DCLK1: variants seen among roughly 807,000 people sequenced by gnomAD.
DCLK1 encodes the protein serine/threonine-protein kinase DCLK1.
In DCLK1, 16 loss-of-function variants were observed where a neutral mutation model predicts 86.2. That is an observed-to-expected ratio of 0.19 (90% CI 0.13 to 0.28). The LOEUF is 0.28. Among genes scored for constraint, DCLK1 ranks in the 10% least tolerant of loss-of-function variants. The pLI is 1.00. For synonymous variants in DCLK1, 369 were observed against 370.5 expected (o/e 1.00, Z 0.05); for missense variants, 590 against 940.2 (o/e 0.63, Z 4.87).
At chr13:35,814,955 T>C (rs1363831116) in intron 11 of DCLK1, among the ~76,000 whole-genome samples, 1 of 152,218 alleles carries the variant, frequency 6.6e-6, no homozygotes. Flanking sequence ...GTTTATTATA[T>C]GGCTATAAAG....
At chr13:35,986,400 T>C (rs192033764) in intron 3 of DCLK1, among the ~76,000 whole-genome samples, 69 of 148,534 alleles carry the variant, frequency 4.6e-4, no homozygotes, top group South Asian at 1.3e-3. Context: ...GGATCTGGTC[T>C]CAAACCCACC....
chr13:35,911,496 G>A (rs561870736), intron 4 of DCLK1, among the ~76,000 whole-genome samples: 104 of 152,162 alleles, frequency 6.8e-4, no homozygotes, highest in African/African-American at 1.9e-3. Flanking sequence ...GTTTCCTTTA[G>A]TGCTGGAGCT....
intron 8 of DCLK1, among the ~76,000 whole-genome samples, chr13:35,833,488 A>G (rs888614919): frequency 2.6e-5 from 4 of 152,150 alleles, no homozygotes; most frequent in Admixed American, 1.3e-4. Flanking sequence ...TTCCTTTAGT[A>G]TGTCCCAGGT....
At chr13:35,824,540 G>A (rs560533733) in intron 10 of DCLK1, among the ~76,000 whole-genome samples, 1 of 152,034 alleles carries the variant, frequency 6.6e-6, no homozygotes, top group Admixed American at 6.6e-5. Context: ...TCTTGGACAC[G>A]TTTTTCCTTC....
chr13:36,131,632 T>G (rs1886365245), upstream of DCLK1, among the ~76,000 whole-genome samples: 1 of 152,018 alleles, frequency 6.6e-6, no homozygotes, highest in African/African-American at 2.4e-5. Flanking sequence ...CTTTGGGAGA[T>G]GGGGGCAGAT....
chr13:36,061,534 T>C (rs1247737118), intron 3 of DCLK1, among the ~76,000 whole-genome samples: 1 of 152,202 alleles, frequency 6.6e-6, no homozygotes, highest in Non-Finnish European at 1.5e-5. Flanking sequence ...TGGATTCTTT[T>C]GTTTTAGTTA....
At chr13:35,825,199 T>TG (rs2087490889) in intron 10 of DCLK1, among the ~76,000 whole-genome samples, 3 of 152,140 alleles carry the variant, frequency 2.0e-5, no homozygotes, top group African/African-American at 7.2e-5. Flanking sequence ...CCCTGAGGGT[T>TG]TGAGAAGCAT....
intron 4 of DCLK1, among the ~76,000 whole-genome samples, chr13:35,933,302 G>A (rs1876561461): frequency 6.6e-6 from 1 of 152,178 alleles, no homozygotes; most frequent in African/African-American, 2.4e-5. Context: ...CATGGTGCAA[G>A]CTGTCGGCAG....
chr13:36,000,409 C>T (rs147093880), intron 3 of DCLK1, among the ~76,000 whole-genome samples: 3 of 152,196 alleles, frequency 2.0e-5, no homozygotes, highest in African/African-American at 7.2e-5. Flanking sequence ...GGTCTGGCCA[C>T]ATCAGCAGCT....
Position 35,967,362 on chromosome 13 carries a change from G to A in DCLK1, c.724-19905C>T, listed in dbSNP as rs1354913585. ...CTCATTGAGAACAGGCCATGATGAC[G>A]ATGGCGGTTTTGTCAAATAGAAAAG... On this transcript the variant is annotated intron_variant, in intron 3 of 16. Transcript: ENST00000360631. Among the ~76,000 whole-genome samples, 5 of 152,320 alleles carry A rather than the reference G, an allele frequency of 3.3e-5. No individual in the cohort carries two copies. In the South Asian group the frequency reaches 6.2e-4, roughly 19 times the overall value.
intron 5 of DCLK1, chr13:35,868,969 T>A (rs1185326971): frequency 1.4e-5 from 5 of 369,692 alleles, no homozygotes; most frequent in Non-Finnish European, 2.7e-5. Context: ...TTTTGTATTT[T>A]TAGTAGAGAT....
chr13:36,037,872 A>C (rs1369562225), intron 3 of DCLK1, among the ~76,000 whole-genome samples: 1 of 152,184 alleles, frequency 6.6e-6, no homozygotes, highest in African/African-American at 2.4e-5. Context: ...AAAATTTAAA[A>C]AATAGAAAGA....
chr13:35,992,819 T>A (rs1286759792), intron 3 of DCLK1, among the ~76,000 whole-genome samples: 3 of 152,218 alleles, frequency 2.0e-5, no homozygotes, highest in Non-Finnish European at 4.4e-5. Context: ...CTGAAAATCC[T>A]GATCCTTTTT....
Position 35,819,276 on chromosome 13 carries a change from C to G in DCLK1, c.1554+3453G>C, listed in dbSNP as rs539527759. ...ACCTAAAATGTGGCTGAAAACATCC[C>G]TGTAAGTCAAATCATATTTTCTCAT... On this transcript the variant is annotated intron_variant, in intron 11 of 16. Coordinates refer to ENST00000360631, the MANE Select transcript of DCLK1 (RefSeq NM_001330071.2). 7.2e-5 allele frequency among the ~76,000 whole-genome samples: 11 copies of G among 152,242 alleles called. No individual in the cohort carries two copies. The South Asian group carries it at 2.3e-3, about 32-fold the overall frequency.
Position 35,810,905 on chromosome 13 carries a change from C to T in DCLK1, c.1618G>A (p.Val540Ile), listed in dbSNP as rs771972541. The T allele has an allele frequency of 1.9e-6, 3 of 1,614,070 alleles. No homozygotes were observed. Among genetic ancestry groups the T allele is most frequent in the Admixed American group, 1.7e-5 (1 of 60,020 alleles). ...KLGDFGLATI[V>I]DGPLYTVCGT... is the part of the protein sequence containing the mutation. ...CAGACTGTGTACAGGGGGCCGTCTACAATGGTGGCCAGTCCAAAGTCACCC... is the reference window on the plus strand; with the variant it reads ...CAGACTGTGTACAGGGGGCCGTCTATAATGGTGGCCAGTCCAAAGTCACCC... Residue 540 changes from valine (V) to isoleucine (I), a missense_variant, in exon 12 of 17, where the codon GTA becomes ATA. Val to Ile is a conservative substitution (Grantham distance 29). Coordinates refer to ENST00000360631, the MANE Select transcript of DCLK1 (RefSeq NM_001330071.2).
Position 35,772,332 on chromosome 13 carries a change from C to T in DCLK1, c.*2203G>A, listed in dbSNP as rs1057192125. 4 of 152,082 alleles carry T rather than the reference C, an allele frequency of 2.6e-5. No individual in the cohort carries two copies. The highest frequency in any genetic ancestry group is 7.2e-5 in the African/African-American group (3 of 41,384). The allele number at this position is 152,082 out of a possible 1,614,324, so 9.4% of individuals were successfully genotyped here. ...GATGCTGTAGCAATATAGTTAATGCCCACAGAAAAAGCAGTAATTCAGAGA... is the reference window on the plus strand; with the variant it reads ...GATGCTGTAGCAATATAGTTAATGCTCACAGAAAAAGCAGTAATTCAGAGA... On this transcript the variant is annotated 3_prime_UTR_variant, in exon 17 of 17. Transcript: ENST00000360631.
intron 4 of DCLK1, among the ~76,000 whole-genome samples, chr13:35,899,217 C>T (rs1237556078): frequency 1.3e-5 from 2 of 152,070 alleles, no homozygotes; most frequent in South Asian, 2.1e-4. Context: ...ATGTGAGATG[C>T]TAGCGTCATT....
intron 4 of DCLK1, among the ~76,000 whole-genome samples, chr13:35,926,097 C>A (rs982134685): frequency 1.3e-5 from 2 of 150,006 alleles, no homozygotes; most frequent in African/African-American, 4.9e-5. Flanking sequence ...CTCACTTTGT[C>A]GCCCAGGCTG....
At chr13:35,988,200 C>A (rs925005240) in intron 3 of DCLK1, among the ~76,000 whole-genome samples, 1 of 152,262 alleles carries the variant, frequency 6.6e-6, no homozygotes. Context: ...CCCCGCCGCA[C>A]CCACTGCCAG....
Sources: gnomAD v4.1 joint callset for allele counts (sites outside exome capture counted in the v4.1 genomes callset) on GRCh38, gnomAD v4.1.1 for gene constraint, MANE v1.5 for transcripts, NCBI Gene and HGNC (gene_info 2026-07-23, HGNC 2026-07-21) for gene names.